The following MYH3 variants were observed in gnomAD, a reference collection of about 807,000 sequenced individuals.
The protein encoded by MYH3 is myosin-3.
In MYH3, 130 loss-of-function variants were observed where a neutral mutation model predicts 238.0. The ratio of observed to expected loss-of-function variants is 0.55; its 90% CI spans 0.47 to 0.63. The LOEUF is 0.63. MYH3 is among the 30% of genes least tolerant of loss of function. The pLI is 0.00. For missense variants in MYH3, 1,853 were observed against 2,374.9 expected (o/e 0.78, Z 4.57); for synonymous variants, 880 against 924.1 (o/e 0.95, Z 0.86).
At chr17:10,639,870 T>C (rs916742800) in intron 22 of MYH3, 68 bp from the exon 23 acceptor site, 7 of 1,599,264 alleles carry the variant, frequency 4.4e-6, no homozygotes, top group Non-Finnish European at 5.1e-6. Flanking sequence ...TATTTCACTA[T>C]ATATGAAGTT....
upstream of MYH3, among the ~76,000 whole-genome samples, chr17:10,661,398 C>G (rs563383673): frequency 2.6e-5 from 4 of 151,372 alleles, no homozygotes; most frequent in South Asian, 8.4e-4. Context: ...ACTGGATCCT[C>G]TCTTGGAATT....
At chr17:10,638,571 C>T in intron 26 of MYH3, 139 bp from the exon 27 acceptor site, 1 of 1,237,124 alleles carries the variant, frequency 8.1e-7, no homozygotes, top group Non-Finnish European at 1.1e-6. Context: ...AATTTCCTTT[C>T]ACAGGAATTT....
intron 28 of MYH3, among the ~76,000 whole-genome samples, chr17:10,636,288 C>CAAAAA (rs397786526): frequency 2.5e-5 from 2 of 81,010 alleles, no homozygotes; most frequent in Admixed American, 1.4e-4. Context: ...GCCTCAATCT[C>CAAAAA]AAAAAAAAAA....
In MYH3 at chr17:10,649,357, C is replaced by A. The variant is rs544405588; in HGVS notation, c.642+220G>T. ...GCAGATTGACCTCTGAAGTTTAGCC[C>A]TAGAGCCTTGTCTTCTAAGAAATCC... On this transcript the variant is annotated intron_variant, in intron 7 of 40. Coordinates refer to ENST00000583535, the MANE Select transcript of MYH3 (RefSeq NM_002470.4). 4.2e-4 allele frequency among the ~76,000 whole-genome samples: 64 copies of A among 152,352 alleles called. 1 individual carries two copies. Among genetic ancestry groups the A allele is most frequent in the South Asian group, 2.9e-3 (14 of 4,824 alleles).
Position 10,645,741 on chromosome 17 carries a change from C to A in MYH3, c.1107G>T (p.Gln369His). 6.2e-7 allele frequency: 1 copy of A among 1,613,602 alleles called. No homozygotes were observed. The highest frequency in any genetic ancestry group is 8.5e-7 in the Non-Finnish European group (1 of 1,180,024). Reference sequence around the variant, plus strand: ...CATCCGGCTCGGCCTGCTCCTCTCGCTGCTTCTGCTTGAACTTCATGTTCC... The same window carrying A: ...CATCCGGCTCGGCCTGCTCCTCTCGATGCTTCTGCTTGAACTTCATGTTCC... ...HYGNMKFKQK[Q>H]REEQAEPDGT... Residue 369 changes from glutamine to histidine, a missense_variant, in exon 12 of 41, where the codon CAG (glutamine) becomes CAT (histidine). Transcript: ENST00000583535.
the MYH3 span, chr17:10,676,443 G>A: frequency 6.6e-6 from 1 of 152,194 alleles, no homozygotes; most frequent in African/African-American, 2.4e-5. Flanking sequence ...GGCACATGCT[G>A]GGAATGGGCT....
rs1327513940 is a variant in MYH3 at position 10,638,861 on chromosome 17, G to C, written c.3339+12C>G. The C allele has an allele frequency of 5.0e-6, 8 of 1,611,958 alleles. No individual in the cohort carries two copies. The highest frequency in any genetic ancestry group is 6.8e-6 in the Non-Finnish European group (8 of 1,178,254). On this transcript the variant is annotated intron_variant, in intron 26 of 40. Transcript: ENST00000583535. ...GCCTCACATGGAAGAGAGAAATGCA[G>C]AGGGCTCCTACCTGCAACTCTTTGA...
upstream of MYH3, among the ~76,000 whole-genome samples, chr17:10,659,988 G>A (rs1055623899): frequency 6.6e-6 from 1 of 152,234 alleles, no homozygotes; most frequent in African/African-American, 2.4e-5. Context: ...GGTGAGAACT[G>A]CATGTACTTC....
chr17:10,677,385 T>C, the MYH3 span: 1 of 152,142 alleles, frequency 6.6e-6, no homozygotes, highest in Non-Finnish European at 1.5e-5. Flanking sequence ...AATGCTCGCA[T>C]GGGTGACTGC....
Position 10,639,341 on chromosome 17 carries a change from G to T in MYH3, c.3059C>A (p.Ser1020Tyr), listed in dbSNP as rs770477653. 5 of 1,614,040 alleles carry T rather than the reference G, an allele frequency of 3.1e-6. No individual in the cohort carries two copies. Among genetic ancestry groups the T allele is most frequent in the East Asian group, 2.2e-5 (1 of 44,892 alleles). The change falls in exon 24 of 41, where the codon TCT (serine) becomes TAT (tyrosine). Residue 1020 changes from serine to tyrosine, a missense_variant. Ser to Tyr is a moderately radical substitution (Grantham distance 144). Around this residue, in one of 3 missense-constraint regions of MYH3, gnomAD observed 1,044 missense variants for 1,192.6 expected, o/e 0.88. Transcript: ENST00000583535. ...CAGTTTGCTCTTGGTTTTGTTCAAA[G>T]AATTGACTTTGTCTTCTTCAGCTTG... ...DLQAEEDKVN[S>Y]LNKTKSKLEQ...
In MYH3 at chr17:10,630,093, T is replaced by C. The variant is rs1216230489; in HGVS notation, c.5561A>G (p.Gln1854Arg). The C allele has an allele frequency of 6.2e-7, 1 of 1,613,964 alleles. No homozygotes were observed. The highest frequency in any genetic ancestry group is 1.7e-5 in the Admixed American group (1 of 60,026). The change falls in exon 38 of 41, where the codon CAG becomes CGG. Residue 1854 changes from glutamine to arginine, a missense_variant and splice_region_variant. By Grantham distance (43) the Gln-to-Arg change is conservative (BLOSUM62 1). This residue lies in a region of MYH3 where 1,044 missense variants were observed against 1,192.6 expected (regional missense o/e 0.88). Coordinates refer to ENST00000583535, the MANE Select transcript of MYH3 (RefSeq NM_002470.4). ...TCATGGCGTTTGCGTTCCACTTACC[T>C]GGTACGTCAGCTCCTTGACCCTCCG... ...YERRVKELTY[Q>R]SEEDRKNVLR...
At chr17:10,646,328 G>C (rs1288767447) in intron 10 of MYH3, among the ~76,000 whole-genome samples, 1 of 152,112 alleles carries the variant, frequency 6.6e-6, no homozygotes, top group African/African-American at 2.4e-5. Flanking sequence ...AAGTTAATAG[G>C]GAAAACTGGC....
At chr17:10,667,627 A>G in the MYH3 span, among the ~76,000 whole-genome samples, 1 of 150,856 alleles carries the variant, frequency 6.6e-6, no homozygotes, top group Admixed American at 6.7e-5. Flanking sequence ...GTTTGCAGTG[A>G]GCCAAGATTG....
At chr17:10,641,395 T>G in intron 17 of MYH3, 23 bp from the exon 18 acceptor site, 1 of 1,531,480 alleles carries the variant, frequency 6.5e-7, no homozygotes, top group African/African-American at 1.4e-5. Context: ...AAAAATGACA[T>G]TTGCCATCCT....
In MYH3 at chr17:10,639,043, C is replaced by T. The variant is rs2074244172; in HGVS notation, c.3248+1G>A. On this transcript the variant is annotated splice_donor_variant, in intron 25 of 40. Transcript: ENST00000583535. LOFTEE classifies it high-confidence loss of function. Reference sequence around the variant, plus strand: ...TGGAAGCCAGTGGTTGAAGGGCATACTTCTTGAGCCTTTCGTCCAGCTGTT... The same window carrying T: ...TGGAAGCCAGTGGTTGAAGGGCATATTTCTTGAGCCTTTCGTCCAGCTGTT... The T allele has an allele frequency of 1.2e-6, 2 of 1,614,150 alleles. No individual in the cohort carries two copies. The highest frequency in any genetic ancestry group is 1.3e-5 in the African/African-American group (1 of 74,952).
At chr17:10,676,994 C>A in the MYH3 span, 1 of 152,166 alleles carries the variant, frequency 6.6e-6, no homozygotes, top group Non-Finnish European at 1.5e-5. Context: ...AGTAATATAA[C>A]CCCTAACTGG....
rs2074405229 is a variant in MYH3, at chr17:10,654,152, TC to T, written c.204+708del. On this transcript the variant is annotated intron_variant, in intron 3 of 40. Transcript: ENST00000583535. This position sits in a 1 kb window ranked among gnomAD's most constrained non-coding sequence, Gnocchi z 4.5. Reference sequence around the variant, plus strand: ...CTCTTTTATTTTCTTTCTTTCTTTCTCTTTCTTTCTTTCCTTCCTTCCTTGC... The same window carrying T: ...CTCTTTTATTTTCTTTCTTTCTTTCTTTTCTTTCTTTCCTTCCTTCCTTGC... Among the ~76,000 whole-genome samples, 2 of 72,254 alleles carry T rather than the reference TC, an allele frequency of 2.8e-5. No individual in the cohort carries two copies. The highest frequency in any genetic ancestry group is 1.2e-4 in the Admixed American group (1 of 8,052). 47.4% of individuals were successfully genotyped at this position (72,254 alleles called of 152,430 possible).
intron 34 of MYH3, 90 bp downstream of exon 34, chr17:10,632,386 T>C (rs1160958622): frequency 1.4e-6 from 2 of 1,442,852 alleles, no homozygotes; most frequent in South Asian, 2.3e-5. Context: ...CCCAGAGCGC[T>C]GGGACTACAG....
rs965561164 is a variant in MYH3, at chr17:10,638,447, C to T, written c.3340-15G>A. 11 of 1,599,474 alleles carry T rather than the reference C, an allele frequency of 6.9e-6. No homozygotes were observed. The highest frequency in any genetic ancestry group is 3.3e-5 in the South Asian group (3 of 91,062). ...TCAATTCGAGCCTGTGGAGGGCAGCCGTTCACCCCGTGGGCAGTGGGTTCA... is the reference window on the plus strand; with the variant it reads ...TCAATTCGAGCCTGTGGAGGGCAGCTGTTCACCCCGTGGGCAGTGGGTTCA... On this transcript the variant is annotated splice_polypyrimidine_tract_variant and intron_variant, in intron 26 of 40. Transcript: ENST00000583535.
Sources: gnomAD v4.1 joint callset for allele counts (sites outside exome capture counted in the v4.1 genomes callset) on GRCh38, gnomAD v4.1.1 for gene constraint, gnomAD v4.1.1 regional missense constraint, Gnocchi (gnomAD v3.1) non-coding constraint, MANE v1.5 for transcripts, NCBI Gene and HGNC (gene_info 2026-07-23, HGNC 2026-07-21) for gene names.